FOXP2: variants seen among roughly 807,000 people sequenced by gnomAD.
FOXP2 encodes the protein forkhead box protein P2.
A neutral mutation model predicts 115.8 loss-of-function variants in FOXP2; 12 were observed. The observed-to-expected ratio is 0.10, with a 90% CI of 0.07 to 0.17. FOXP2 has a LOEUF of 0.17. FOXP2 is among the 10% of genes least tolerant of loss of function. The pLI is 1.00. For synonymous variants in FOXP2, 328 were observed against 297.7 expected (o/e 1.10, Z -1.05); for missense variants, 629 against 843.5 (o/e 0.75, Z 3.15).
chr7:114,099,977 A>G (rs1003039384), intron 1 of FOXP2, among the ~76,000 whole-genome samples: 1 of 152,242 alleles, frequency 6.6e-6, no homozygotes, highest in Non-Finnish European at 1.5e-5. Context: ...GCTTCACTAT[A>G]GTAATCTTTC....
At chr7:114,101,675 A>G (rs548599721) in intron 1 of FOXP2, among the ~76,000 whole-genome samples, 3 of 152,056 alleles carry the variant, frequency 2.0e-5, no homozygotes, top group East Asian at 3.9e-4. Flanking sequence ...TAAAAAAATA[A>G]GAGAACATTT....
chr7:114,541,950 G>C (rs890331363), intron 3 of FOXP2, among the ~76,000 whole-genome samples: 24 of 151,876 alleles, frequency 1.6e-4, no homozygotes, highest in African/African-American at 5.6e-4. Context: ...AAGATGTTTG[G>C]AAGTGTTATA....
chr7:114,241,000 T>G lies in FOXP2; in HGVS notation c.-101-47019T>G, dbSNP rs141950961. Among the ~76,000 whole-genome samples, 18 of 152,172 alleles carry G rather than the reference T, an allele frequency of 1.2e-4. No individual in the cohort carries two copies. In the East Asian group the frequency reaches 3.5e-3, roughly 29 times the overall value. ...TATAAAGATGTCAAGTATTTCATGA[T>G]TGGACCTGTTTGACTCCCTCCATAA... On this transcript the variant is annotated intron_variant, in intron 1 of 17. Coordinates refer to the FOXP2 transcript ENST00000634411.
chr7:114,203,509 C>CT (rs1275576791), intron 1 of FOXP2, among the ~76,000 whole-genome samples: 2 of 151,436 alleles, frequency 1.3e-5, no homozygotes, highest in East Asian at 3.9e-4. Flanking sequence ...ATTTTTTTTT[C>CT]TTTTTTTCTA....
At position 114,630,014 on chromosome 7, in the gene FOXP2, C is replaced by T. The variant is rs765270346; in HGVS notation, c.597+9C>T. 8.1e-5 allele frequency: 129 copies of T among 1,599,628 alleles called. No homozygotes were observed. Among genetic ancestry groups the T allele is most frequent in the Middle Eastern group, 1.7e-4 (1 of 6,050 alleles). ...GAAAGCAAGCGAAAGAGGTAGGATC[C>T]GGTTATCTCATTGATACATAACAGT... On this transcript the variant is annotated intron_variant, in intron 5 of 16. Transcript: ENST00000350908.
chr7:114,215,215 C>T (rs1331832659), intron 1 of FOXP2, among the ~76,000 whole-genome samples: 1 of 152,016 alleles, frequency 6.6e-6, no homozygotes, highest in Non-Finnish European at 1.5e-5. Flanking sequence ...ACAAATACTT[C>T]TTTTGTTGTT....
intron 1 of FOXP2, among the ~76,000 whole-genome samples, chr7:114,277,666 G>A (rs544212075): frequency 6.6e-6 from 1 of 152,104 alleles, no homozygotes; most frequent in East Asian, 1.9e-4. Context: ...TGATGCTGTT[G>A]TAAGTTTTTT....
intron 2 of FOXP2, among the ~76,000 whole-genome samples, chr7:114,388,178 C>G (rs1282196315): frequency 6.6e-6 from 1 of 152,060 alleles, no homozygotes; most frequent in African/African-American, 2.4e-5. Context: ...GAGAGTTTCC[C>G]ACAATTATTA....
At chr7:114,237,149 T>C (rs1310900820) in intron 1 of FOXP2, among the ~76,000 whole-genome samples, 1 of 152,174 alleles carries the variant, frequency 6.6e-6, no homozygotes, top group Non-Finnish European at 1.5e-5. Context: ...GATACAAATA[T>C]ATATTTATAC....
chr7:114,663,763 T>TGCATGTGC (rs1157298062), intron 15 of FOXP2, among the ~76,000 whole-genome samples: 1 of 152,156 alleles, frequency 6.6e-6, no homozygotes, highest in Non-Finnish European at 1.5e-5. Context: ...GCTAGATTGA[T>TGCATGTGC]AGAAGCTTTT....
At position 114,690,129 on chromosome 7, in the gene FOXP2, C is replaced by CTTTTTTTTTTT; in HGVS notation, c.*210_*220dup. 8 of 420,566 alleles carry CTTTTTTTTTTT rather than the reference C, an allele frequency of 1.9e-5. No individual in the cohort carries two copies. Among genetic ancestry groups the CTTTTTTTTTTT allele is most frequent in the Admixed American group, 1.1e-4 (3 of 27,454 alleles). The allele number at this position is 420,566 out of a possible 1,614,324, so 26.1% of individuals were successfully genotyped here. On this transcript the variant is annotated 3_prime_UTR_variant, in exon 17 of 17. Transcript: ENST00000350908. The stretch of plus-strand genomic sequence containing the variant: ...TGCTTGTTTTCTTCTTCTTCTTCTT[C>CTTTTTTTTTTT]TTTTTTTTTTTTTTTTTAGAAAAAA...
At chr7:114,425,926 G>A (rs1793825412) in intron 1 of FOXP2, among the ~76,000 whole-genome samples, 1 of 151,500 alleles carries the variant, frequency 6.6e-6, no homozygotes, top group African/African-American at 2.4e-5. Flanking sequence ...TGCCTCCAAG[G>A]CAAAATTTTA....
intron 3 of FOXP2, among the ~76,000 whole-genome samples, chr7:114,583,994 G>T (rs1801997128): frequency 6.6e-6 from 1 of 152,090 alleles, no homozygotes; most frequent in Non-Finnish European, 1.5e-5. Context: ...TACTTTGGCA[G>T]AAGCCCACAC....
intron 3 of FOXP2, among the ~76,000 whole-genome samples, chr7:114,617,717 T>G (rs1412792753): frequency 6.6e-6 from 1 of 152,160 alleles, no homozygotes; most frequent in East Asian, 1.9e-4. Context: ...TGCTTGAACC[T>G]GGGAGGTGGA....
chr7:114,206,511 A>G (rs1794205747), intron 1 of FOXP2, among the ~76,000 whole-genome samples: 1 of 152,124 alleles, frequency 6.6e-6, no homozygotes, highest in Non-Finnish European at 1.5e-5. Context: ...AAATCCCCAT[A>G]GAGGCCTTCC....
At chr7:114,125,683 G>A (rs1017594054) in intron 1 of FOXP2, among the ~76,000 whole-genome samples, 12 of 152,110 alleles carry the variant, frequency 7.9e-5, no homozygotes, top group Admixed American at 6.6e-5. Context: ...CTGATGTTCA[G>A]TGAATCATGA....
chr7:114,392,970 T>C (rs1055445508), intron 2 of FOXP2, among the ~76,000 whole-genome samples: 3 of 152,144 alleles, frequency 2.0e-5, no homozygotes, highest in Non-Finnish European at 2.9e-5. Context: ...TTCAAGGCCA[T>C]TTAAACCACA....
At chr7:114,440,913 A>G (rs193199934) in intron 2 of FOXP2, among the ~76,000 whole-genome samples, 67 of 152,306 alleles carry the variant, frequency 4.4e-4, no homozygotes, top group Admixed American at 8.5e-4. Flanking sequence ...GAAAAGAAAC[A>G]TGGAATGGAT....
At chr7:114,213,029 G>A (rs1236612833) in intron 1 of FOXP2, among the ~76,000 whole-genome samples, 1 of 152,172 alleles carries the variant, frequency 6.6e-6, no homozygotes, top group African/African-American at 2.4e-5. Context: ...GACCTTTATG[G>A]TCAGTATTCC....
Sources: gnomAD v4.1 joint callset for allele counts (sites outside exome capture counted in the v4.1 genomes callset) on GRCh38, gnomAD v4.1.1 for gene constraint, MANE v1.5 for transcripts, NCBI Gene and HGNC (gene_info 2026-07-23, HGNC 2026-07-21) for gene names.